Variants in FAM227B observed in about 807,000 individuals in gnomAD.
The protein encoded by FAM227B is family with sequence similarity 227 member B, also known as protein FAM227B.
In FAM227B, 88 loss-of-function variants were observed where a neutral mutation model predicts 73.8. The ratio of observed to expected loss-of-function variants is 1.19; its 90% CI spans 1.00 to 1.42. The LOEUF (loss-of-function observed/expected upper bound fraction) is 1.42. Among genes scored for constraint, FAM227B ranks in the 40% most tolerant of loss-of-function variants. FAM227B has a pLI of 0.00. For synonymous variants in FAM227B, 210 were observed against 190.5 expected, an observed-to-expected ratio of 1.10 and a Z score of -0.84; for missense variants, 632 against 590.9, an observed-to-expected ratio of 1.07 and a Z score of -0.72.
chr15:49,540,972 A>G (rs1476658573), intron 10 of FAM227B, among the ~76,000 whole-genome samples: 1 of 152,162 alleles, frequency 6.6e-6, no homozygotes, highest in Non-Finnish European at 1.5e-5. Flanking sequence ...ACATTTTCTT[A>G]TAAAAGTGAT....
chr15:49,457,153 A>T (rs1430774648), intron 11 of FAM227B, among the ~76,000 whole-genome samples: 4 of 152,050 alleles, frequency 2.6e-5, no homozygotes, highest in Non-Finnish European at 4.4e-5. Context: ...AACTACTAAA[A>T]CTTTTAACAG....
At position 49,338,525 on chromosome 15, in the gene FAM227B, G is replaced by A. The variant is rs535958235; in HGVS notation, c.1272-3029C>T. 9.2e-5 allele frequency among the ~76,000 whole-genome samples: 14 copies of A among 152,288 alleles called. No individual in the cohort carries two copies. The South Asian group carries it at 2.5e-3, about 27-fold the overall frequency. On this transcript the variant is annotated intron_variant, in intron 13 of 15. Coordinates refer to ENST00000299338, the MANE Select transcript of FAM227B (RefSeq NM_152647.3). ...TAGTCTGGTGGGCTTCCCTTTGTGG[G>A]TAACCCAACCTTTCTCTCTGGCTGC...
intron 3 of FAM227B, among the ~76,000 whole-genome samples, chr15:49,603,282 C>A (rs1848290): frequency 0.9 from 136,850 of 152,164 alleles, 62,688 homozygotes; most frequent in East Asian, 0.99. Flanking sequence ...TAAACATGGA[C>A]TATCTTTCCA....
chr15:49,482,633 A>T (rs1468643009), intron 11 of FAM227B, among the ~76,000 whole-genome samples: 1 of 152,054 alleles, frequency 6.6e-6, no homozygotes, highest in African/African-American at 2.4e-5. Context: ...AAGAGCCAGA[A>T]TGTCTGGGTT....
At chr15:49,404,750 A>G (rs1261445021) in intron 11 of FAM227B, among the ~76,000 whole-genome samples, 1 of 151,866 alleles carries the variant, frequency 6.6e-6, no homozygotes, top group Non-Finnish European at 1.5e-5. Context: ...TGGGGTATTT[A>G]TCCCATTTAC....
chr15:49,371,235 A>C, intron 12 of FAM227B, 67 bp downstream of exon 12: 1 of 911,256 alleles, frequency 1.1e-6, no homozygotes. Flanking sequence ...TGTACAGCAC[A>C]GTCAATTGCA....
chr15:49,527,750 A>C (rs571456000), intron 10 of FAM227B, among the ~76,000 whole-genome samples: 59 of 151,968 alleles, frequency 3.9e-4, no homozygotes, highest in African/African-American at 1.4e-3. Context: ...TCCCATTTAC[A>C]ACAGACATAT....
intron 13 of FAM227B, among the ~76,000 whole-genome samples, chr15:49,338,722 T>G (rs933334011): frequency 6.6e-6 from 1 of 152,214 alleles, no homozygotes; most frequent in Non-Finnish European, 1.5e-5. Context: ...GAAGAGTGTT[T>G]TCCAACTTGG....
At chr15:49,337,447 GC>G (rs2039918506) in intron 13 of FAM227B, among the ~76,000 whole-genome samples, 1 of 128,654 alleles carries the variant, frequency 7.8e-6, no homozygotes, top group Admixed American at 7.8e-5. Context: ...GACGAGTGAT[GC>G]TAAGCATTTT....
At chr15:49,596,174 A>C (rs2076872807) in intron 3 of FAM227B, among the ~76,000 whole-genome samples, 3 of 152,028 alleles carry the variant, frequency 2.0e-5, no homozygotes, top group African/African-American at 7.2e-5. Flanking sequence ...AGGTTATCTA[A>C]AGTCGAAACA....
In FAM227B at chr15:49,489,866, A is replaced by ATATATATATTT. The variant is rs2056876211; in HGVS notation, c.1012+18344_1012+18345insAAATATATATA. Among the ~76,000 whole-genome samples, 5 of 12,708 alleles carry ATATATATATTT rather than the reference A, an allele frequency of 3.9e-4. 1 individual carries two copies. The highest frequency in any genetic ancestry group is 7.1e-4 in the Non-Finnish European group (4 of 5,608). The allele number at this position is 12,708 out of a possible 152,430, so 8.3% of individuals were successfully genotyped here. The stretch of plus-strand genomic sequence containing the variant: ...TTATATATATATATATATTTTATAT[A>ATATATATATTT]TATATATATATATATATAGAGAGAG... On this transcript the variant is annotated intron_variant, in intron 11 of 15. Coordinates refer to ENST00000299338, the MANE Select transcript of FAM227B (RefSeq NM_152647.3).
chr15:49,391,910 A>G (rs1360767739), intron 11 of FAM227B, among the ~76,000 whole-genome samples: 1 of 152,098 alleles, frequency 6.6e-6, no homozygotes, highest in East Asian at 1.9e-4. Flanking sequence ...CTTGCTTGGC[A>G]CCCTGCAAAT....
chr15:49,500,287 A>C (rs1331843430), intron 11 of FAM227B, among the ~76,000 whole-genome samples: 1 of 152,246 alleles, frequency 6.6e-6, no homozygotes, highest in Non-Finnish European at 1.5e-5. Flanking sequence ...AACTCAAATA[A>C]AAATGGCCAA....
intron 10 of FAM227B, among the ~76,000 whole-genome samples, chr15:49,516,307 C>G (rs138868274): frequency 6.6e-6 from 1 of 151,938 alleles, no homozygotes; most frequent in African/African-American, 2.4e-5. Flanking sequence ...CTCTTTTATC[C>G]GCACACTAAC....
intron 11 of FAM227B, among the ~76,000 whole-genome samples, chr15:49,465,644 A>C (rs1383929185): frequency 1.3e-5 from 2 of 152,170 alleles, no homozygotes; most frequent in Non-Finnish European, 2.9e-5. Flanking sequence ...GGTTCTCTCA[A>C]CTTTTTTGAG....
intron 6 of FAM227B, chr15:49,577,081 G>C (rs1001576947): frequency 2.6e-6 from 1 of 387,798 alleles, no homozygotes. Context: ...TGGATCACTT[G>C]AGGTCGGGAG....
At chr15:49,526,307 GT>G (rs549729957) in intron 10 of FAM227B, among the ~76,000 whole-genome samples, 1 of 152,012 alleles carries the variant, frequency 6.6e-6, no homozygotes, top group South Asian at 2.1e-4. Flanking sequence ...GGACTTTTGG[GT>G]AAAAAATGAA....
chr15:49,609,763 T>G (rs932507623), intron 3 of FAM227B, among the ~76,000 whole-genome samples: 1 of 151,978 alleles, frequency 6.6e-6, no homozygotes, highest in African/African-American at 2.4e-5. Flanking sequence ...TCCAATAGTT[T>G]GGCAATGTAT....
At chr15:49,492,906 G>T (rs1390503093) in intron 11 of FAM227B, among the ~76,000 whole-genome samples, 1 of 151,908 alleles carries the variant, frequency 6.6e-6, no homozygotes, top group Non-Finnish European at 1.5e-5. Flanking sequence ...CTACATAAAT[G>T]ATCAAACCTG....
Sources: allele counts gnomAD v4.1 joint callset (sites outside exome capture counted in the v4.1 genomes callset), GRCh38; gene constraint gnomAD v4.1.1; transcripts MANE v1.5; gene names NCBI Gene and HGNC (gene_info 2026-07-23, HGNC 2026-07-21).